Variants in AEN observed in about 807,000 individuals in gnomAD.
AEN encodes the protein apoptosis enhancing nuclease, also known as apoptosis-enhancing nuclease.
Under a neutral mutation model 17.7 loss-of-function variants are expected in AEN, and 21 were observed. That is an observed-to-expected ratio of 1.19 (90% CI 0.84 to 1.71). The LOEUF (loss-of-function observed/expected upper bound fraction) is 1.71. Among genes scored for constraint, AEN ranks in the 40% most tolerant of loss-of-function variants. The pLI is 0.00. For synonymous variants in AEN, 190 were observed against 173.0 expected (o/e 1.10, Z -0.77); for missense variants, 462 against 435.9 (o/e 1.06, Z -0.53).
upstream of AEN, among the ~76,000 whole-genome samples, chr15:88,620,870 G>T (rs557708614): frequency 6.6e-6 from 1 of 152,262 alleles, no homozygotes; most frequent in South Asian, 2.1e-4. Context: ...AAAAAGCAGC[G>T]CTGACGGAGG....
At chr15:88,607,989 C>T in the AEN span, 1,689 of 351,198 alleles carry the variant, frequency 4.8e-3, 49 homozygotes, top group South Asian at 0.038. Flanking sequence ...TATCATTGAT[C>T]ACATCAGTAA....
At chr15:88,610,527 G>C in the AEN span, among the ~76,000 whole-genome samples, 2 of 152,010 alleles carry the variant, frequency 1.3e-5, no homozygotes, top group Non-Finnish European at 2.9e-5. Context: ...GTTTTTCTCA[G>C]ACCCATGGCA....
At chr15:88,629,938 A>G (rs987653684) in intron 3 of AEN, 120 bp from the exon 4 acceptor site, 26 of 897,124 alleles carry the variant, frequency 2.9e-5, no homozygotes, top group African/African-American at 8.2e-5. Context: ...GTGAACCTCC[A>G]TTCTGAGCAT....
At position 88,626,239 on chromosome 15, in the gene AEN, T is replaced by C; in HGVS notation, c.30T>C (p.Ala10=). Residue 10 remains alanine, a synonymous_variant, in exon 2 of 4, where the codon GCT becomes GCC. Coordinates refer to ENST00000332810, the MANE Select transcript of AEN (RefSeq NM_022767.4). ...TACCCCGGGAGGCCCCTGAGTCTGC[T>C]CAGTGCCTGTGCCCTTCCCTCACCA... is the stretch of plus-strand genomic sequence containing the variant. MVPREAPES[A]QCLCPSLTIP... 6.2e-7 allele frequency: 1 copy of C among 1,607,072 alleles called. No homozygotes were observed. Among genetic ancestry groups the C allele is most frequent in the Non-Finnish European group, 8.5e-7 (1 of 1,175,856 alleles).
upstream of AEN, among the ~76,000 whole-genome samples, chr15:88,619,959 T>C (rs1393436951): frequency 6.6e-6 from 1 of 152,192 alleles, no homozygotes; most frequent in Admixed American, 6.5e-5. Flanking sequence ...CTCTCTATGC[T>C]GCAGCCAGAA....
the AEN span, among the ~76,000 whole-genome samples, chr15:88,610,218 C>G: frequency 6.6e-6 from 1 of 152,068 alleles, no homozygotes; most frequent in South Asian, 2.1e-4. Context: ...GCATTGTTCT[C>G]TAATGGTACC....
At chr15:88,612,637 C>T in the AEN span, among the ~76,000 whole-genome samples, 1 of 151,766 alleles carries the variant, frequency 6.6e-6, no homozygotes, top group African/African-American at 2.4e-5. Flanking sequence ...GAGTCTCACT[C>T]TGTCCCAGGC....
the AEN span, among the ~76,000 whole-genome samples, chr15:88,612,592 T>TTTATTTAC: frequency 6.8e-6 from 1 of 146,532 alleles, no homozygotes; most frequent in Non-Finnish European, 1.5e-5. Flanking sequence ...TATTTATTTA[T>TTTATTTAC]TTATTTATTT....
chr15:88,615,860 A>C, the AEN span, among the ~76,000 whole-genome samples: 2 of 152,094 alleles, frequency 1.3e-5, no homozygotes, highest in African/African-American at 4.8e-5. Context: ...ACCCCCAAAA[A>C]GTCCTCAGAA....
At chr15:88,615,603 T>C in the AEN span, among the ~76,000 whole-genome samples, 1 of 152,150 alleles carries the variant, frequency 6.6e-6, no homozygotes, top group African/African-American at 2.4e-5. Flanking sequence ...TTCATCAGCT[T>C]GTTAAAATGC....
chr15:88,608,123 G>T, the AEN span: 1 of 531,004 alleles, frequency 1.9e-6, no homozygotes, highest in African/African-American at 1.9e-5. Flanking sequence ...AAAGGAAGAA[G>T]CATTCTTTCA....
At chr15:88,612,397 C>G in the AEN span, among the ~76,000 whole-genome samples, 1 of 151,928 alleles carries the variant, frequency 6.6e-6, no homozygotes, top group Non-Finnish European at 1.5e-5. Context: ...GGTGCCTGCT[C>G]CACAGCTGAG....
upstream of AEN, among the ~76,000 whole-genome samples, chr15:88,620,712 T>A (rs2057776070): frequency 1.3e-5 from 2 of 152,096 alleles, no homozygotes; most frequent in South Asian, 4.1e-4. Context: ...CCCGGCCTCA[T>A]GTTGCACTGA....
upstream of AEN, among the ~76,000 whole-genome samples, chr15:88,616,730 A>G (rs1157128363): frequency 6.6e-6 from 1 of 152,266 alleles, no homozygotes; most frequent in Non-Finnish European, 1.5e-5. Context: ...CACATTTAGT[A>G]GAAACCTTAC....
chr15:88,625,925 T>C (rs1466448271), intron 1 of AEN, among the ~76,000 whole-genome samples: 1 of 152,242 alleles, frequency 6.6e-6, no homozygotes, highest in Non-Finnish European at 1.5e-5. Context: ...TTGAGCAGAC[T>C]GAGTGATTCC....
intron 1 of AEN, among the ~76,000 whole-genome samples, chr15:88,624,254 G>C (rs558027100): frequency 5.9e-5 from 9 of 152,302 alleles, no homozygotes; most frequent in Non-Finnish European, 1.2e-4. Context: ...AACCCAGTGG[G>C]ACAGAGTTTC....
the AEN span, among the ~76,000 whole-genome samples, chr15:88,613,200 G>A: frequency 6.6e-6 from 1 of 152,058 alleles, no homozygotes. Flanking sequence ...CTCTGGCAAG[G>A]CACTTGACCT....
At chr15:88,613,648 G>GA in the AEN span, among the ~76,000 whole-genome samples, 5 of 151,938 alleles carry the variant, frequency 3.3e-5, no homozygotes, top group African/African-American at 1.2e-4. Context: ...TTGTTAAGTG[G>GA]TGGGGGGAGT....
intron 1 of AEN, among the ~76,000 whole-genome samples, chr15:88,622,104 T>C (rs2057795021): frequency 6.6e-6 from 1 of 152,148 alleles, no homozygotes; most frequent in South Asian, 2.1e-4. Context: ...GCCAGCAGGT[T>C]GGTGGCTCTC....
Sources: allele counts gnomAD v4.1 joint callset (sites outside exome capture counted in the v4.1 genomes callset), GRCh38; gene constraint gnomAD v4.1.1; transcripts MANE v1.5; gene names NCBI Gene and HGNC (gene_info 2026-07-23, HGNC 2026-07-21).